Variants in B3GALT1 observed in about 807,000 individuals in gnomAD.
B3GALT1 encodes beta-1,3-galactosyltransferase 1.
Under a neutral mutation model 23.2 loss-of-function variants are expected in B3GALT1, and 10 were observed. The observed-to-expected ratio is 0.43, with a 90% confidence interval of 0.27 to 0.73. B3GALT1 has a LOEUF of 0.73. Among genes scored for constraint, B3GALT1 ranks in the 30% least tolerant of loss-of-function variants. The pLI is 0.21. For synonymous variants in B3GALT1, 156 were observed against 141.5 expected (o/e 1.10, Z -0.73); for missense variants, 299 against 405.4 (o/e 0.74, Z 2.25).
intron 3 of B3GALT1, among the ~76,000 whole-genome samples, chr2:167,649,702 T>C (rs1234854513): frequency 6.6e-6 from 1 of 152,058 alleles, no homozygotes; most frequent in Non-Finnish European, 1.5e-5. Flanking sequence ...TTTTCTTAAT[T>C]TGATTTTTGA....
chr2:167,716,313 G>A (rs1687147521), intron 3 of B3GALT1, among the ~76,000 whole-genome samples: 1 of 151,934 alleles, frequency 6.6e-6, no homozygotes, highest in Admixed American at 6.6e-5. Flanking sequence ...GCGCTGGTCC[G>A]AGCCCGACCC....
chr2:167,306,068 G>A lies in B3GALT1; in HGVS notation c.-511+12734G>A, dbSNP rs140244771. Among the ~76,000 whole-genome samples, 180 of 152,002 alleles carry A rather than the reference G, an allele frequency of 1.2e-3. 3 individuals carry two copies. The highest frequency in any genetic ancestry group is 4.1e-3 in the African/African-American group (170 of 41,490). Reference sequence around the variant, plus strand: ...ATAAAAAAAATTCTTACTGTCTAATGCATTAATACTACTTCTAGGAATCTA... The same window carrying A: ...ATAAAAAAAATTCTTACTGTCTAATACATTAATACTACTTCTAGGAATCTA... On this transcript the variant is annotated intron_variant, in intron 1 of 4. Transcript: ENST00000392690.
chr2:167,342,032 C>G (rs1246857170), intron 1 of B3GALT1, among the ~76,000 whole-genome samples: 1 of 152,104 alleles, frequency 6.6e-6, no homozygotes, highest in Non-Finnish European at 1.5e-5. Flanking sequence ...GTTACATGGT[C>G]AAGCCGCATA....
chr2:167,714,589 C>T (rs1558957306), intron 3 of B3GALT1: 1 of 1,613,648 alleles, frequency 6.2e-7, no homozygotes, highest in Non-Finnish European at 8.5e-7. Context: ...CAGATTTAAA[C>T]TCTGTTTCAG....
At chr2:167,408,807 A>AACAAC (rs1553517665) in intron 1 of B3GALT1, among the ~76,000 whole-genome samples, 2 of 138,076 alleles carry the variant, frequency 1.4e-5, no homozygotes, top group African/African-American at 5.4e-5. Flanking sequence ...ACAAAAAAAA[A>AACAAC]AAAAAACAAA....
intron 1 of B3GALT1, among the ~76,000 whole-genome samples, chr2:167,319,510 AAG>A (rs1275755640): frequency 6.6e-6 from 1 of 152,094 alleles, no homozygotes; most frequent in Non-Finnish European, 1.5e-5. Context: ...CCACTGTAAT[AAG>A]AGAGAAAATA....
rs1410898027 is a variant in B3GALT1, at chr2:167,591,696, A to C, written c.-409-55213A>C. Among the ~76,000 whole-genome samples, 3 of 151,704 alleles carry C rather than the reference A, an allele frequency of 2.0e-5. No individual in the cohort carries two copies. In the East Asian group the frequency reaches 5.8e-4, roughly 29 times the overall value. On this transcript the variant is annotated intron_variant, in intron 2 of 4. Transcript: ENST00000392690. ...ACTATGTTGCCCTGGCTGGTCTTAA[A>C]CTCCTGGCTCAAGAGATCCTTTCTC...
At chr2:167,341,980 C>T (rs997354046) in intron 1 of B3GALT1, among the ~76,000 whole-genome samples, 29 of 152,200 alleles carry the variant, frequency 1.9e-4, no homozygotes, top group African/African-American at 6.0e-4. Context: ...CTTGCCTGGC[C>T]GGACCATCCC....
intron 3 of B3GALT1, among the ~76,000 whole-genome samples, chr2:167,691,280 T>C (rs563692981): frequency 2.0e-4 from 30 of 152,128 alleles, no homozygotes; most frequent in Non-Finnish European, 4.1e-4. Flanking sequence ...TTAAACTGGC[T>C]TCAAATGGCC....
chr2:167,692,201 G>A (rs905262485), intron 3 of B3GALT1, among the ~76,000 whole-genome samples: 4 of 152,100 alleles, frequency 2.6e-5, no homozygotes, highest in Non-Finnish European at 4.4e-5. Context: ...CAATTAGCAG[G>A]AAGAGAGAGA....
intron 3 of B3GALT1, among the ~76,000 whole-genome samples, chr2:167,721,509 GT>G (rs1391687983): frequency 6.6e-6 from 1 of 152,168 alleles, no homozygotes; most frequent in Non-Finnish European, 1.5e-5. Context: ...AGGTATAACA[GT>G]GTTGTGTTTT....
chr2:167,421,260 T>C (rs1698543132), intron 1 of B3GALT1, among the ~76,000 whole-genome samples: 1 of 152,218 alleles, frequency 6.6e-6, no homozygotes, highest in African/African-American at 2.4e-5. Flanking sequence ...ACATTGCAAT[T>C]GCTCAGTAAC....
At chr2:167,591,083 G>A (rs1447540861) in intron 2 of B3GALT1, among the ~76,000 whole-genome samples, 1 of 152,128 alleles carries the variant, frequency 6.6e-6, no homozygotes, top group African/African-American at 2.4e-5. Context: ...TTTATGGGAA[G>A]ATACAAGCAA....
intron 3 of B3GALT1, among the ~76,000 whole-genome samples, chr2:167,709,971 G>A (rs927043147): frequency 6.6e-6 from 1 of 152,112 alleles, no homozygotes; most frequent in Non-Finnish European, 1.5e-5. Flanking sequence ...ATATGTTTAT[G>A]TATATATTTG....
chr2:167,820,360 T>C (rs1689079743), intron 4 of B3GALT1, among the ~76,000 whole-genome samples: 1 of 152,204 alleles, frequency 6.6e-6, no homozygotes, highest in African/African-American at 2.4e-5. Flanking sequence ...CTCTCCCTGC[T>C]TCCCTTCCCT....
intron 1 of B3GALT1, among the ~76,000 whole-genome samples, chr2:167,440,297 T>C (rs1698858707): frequency 6.9e-6 from 1 of 145,020 alleles, no homozygotes; most frequent in South Asian, 2.1e-4. Flanking sequence ...GAGCCAAGAT[T>C]GCACCACTGC....
chr2:167,476,353 A>C (rs910628212), intron 1 of B3GALT1, among the ~76,000 whole-genome samples: 2 of 152,254 alleles, frequency 1.3e-5, no homozygotes, highest in African/African-American at 4.8e-5. Flanking sequence ...GTCAGTAGAC[A>C]TGAATATAAG....
intron 1 of B3GALT1, among the ~76,000 whole-genome samples, chr2:167,337,245 T>C (rs970110453): frequency 1.3e-5 from 2 of 152,106 alleles, no homozygotes; most frequent in African/African-American, 4.8e-5. Context: ...AGGTACTTAC[T>C]AGGGGATATA....
At chr2:167,718,679 A>G (rs2105252688) in intron 3 of B3GALT1, among the ~76,000 whole-genome samples, 1 of 152,318 alleles carries the variant, frequency 6.6e-6, no homozygotes. Flanking sequence ...GTGTGTTTTT[A>G]TAAAGAGTTG....
Sources: allele counts gnomAD v4.1 joint callset (sites outside exome capture counted in the v4.1 genomes callset), GRCh38; gene constraint gnomAD v4.1.1; transcripts MANE v1.5; gene names NCBI Gene and HGNC (gene_info 2026-07-23, HGNC 2026-07-21).